PTPRO: variants seen among roughly 807,000 people sequenced by gnomAD.
PTPRO encodes receptor-type tyrosine-protein phosphatase O.
PTPRO carries 62 observed loss-of-function variants against 145.2 expected under a neutral mutation model. That is an observed-to-expected ratio of 0.43 (90% confidence interval 0.35 to 0.53). The LOEUF (loss-of-function observed/expected upper bound fraction) is 0.53, where lower values mean the gene tolerates loss of function less well. PTPRO is among the 20% of genes least tolerant of loss of function. The pLI, the probability that PTPRO is intolerant of heterozygous loss-of-function variation, is 0.01. For synonymous variants in PTPRO, 565 were observed against 514.7 expected (o/e 1.10, Z -1.32); for missense variants, 1,345 against 1,482.7 (o/e 0.91, Z 1.53).
At chr12:15,394,242 T>C (rs1939274037) in intron 1 of PTPRO, among the ~76,000 whole-genome samples, 1 of 152,104 alleles carries the variant, frequency 6.6e-6, no homozygotes, top group Admixed American at 6.6e-5. Context: ...ATTAAAATGA[T>C]GAAAGTCCCA....
intron 19 of PTPRO, 89 bp downstream of exon 19, chr12:15,569,587 G>A: frequency 8.6e-7 from 1 of 1,161,890 alleles, no homozygotes; most frequent in Middle Eastern, 1.9e-4. Context: ...CCTGCTCACT[G>A]GCAGTGCGTA....
intron 7 of PTPRO, among the ~76,000 whole-genome samples, chr12:15,511,472 A>T (rs2136489495): frequency 6.6e-6 from 1 of 152,364 alleles, no homozygotes. Flanking sequence ...TTTTTTAAGT[A>T]ATATGATGTA....
chr12:15,557,443 C>G lies in PTPRO; in HGVS notation c.2559-12C>G, dbSNP rs1943663739. On this transcript the variant is annotated splice_polypyrimidine_tract_variant and intron_variant, in intron 15 of 26. Transcript: ENST00000281171. ...AAGCAGTAACCTTGATTTTGTGGTT[C>G]CTTTAAAACAGGGAGTGTGGAGCTG... 1.2e-6 allele frequency: 2 copies of G among 1,612,272 alleles called. No individual in the cohort carries two copies. Among genetic ancestry groups the G allele is most frequent in the Middle Eastern group, 1.7e-4 (1 of 6,060 alleles).
chr12:15,402,499 A>G lies in PTPRO; in HGVS notation c.75+79698A>G, dbSNP rs533760570. ...CCTCAACTACAAAATTCTGATGATT[A>G]TAAGACCTTCTGAAGGAACAATCCA... On this transcript the variant is annotated intron_variant, in intron 1 of 26. Transcript: ENST00000281171. 2.0e-5 allele frequency among the ~76,000 whole-genome samples: 3 copies of G among 152,288 alleles called. No individual in the cohort carries two copies. The South Asian group carries it at 6.2e-4, about 32-fold the overall frequency.
intron 12 of PTPRO, among the ~76,000 whole-genome samples, chr12:15,534,548 A>C (rs1943028702): frequency 6.6e-6 from 1 of 152,152 alleles, no homozygotes; most frequent in Admixed American, 6.5e-5. Flanking sequence ...AGTGCTCTAC[A>C]ACAGGGAAAT....
At chr12:15,332,293 T>C (rs1276716508) in intron 1 of PTPRO, among the ~76,000 whole-genome samples, 1 of 152,212 alleles carries the variant, frequency 6.6e-6, no homozygotes, top group Admixed American at 6.5e-5. Context: ...ATTATAAATG[T>C]AACCTTAAGG....
chr12:15,368,522 C>T (rs935273487), intron 1 of PTPRO, among the ~76,000 whole-genome samples: 1 of 152,004 alleles, frequency 6.6e-6, no homozygotes, highest in South Asian at 2.1e-4. Context: ...TTTCCTGTTC[C>T]CAGAATGGCT....
intron 1 of PTPRO, among the ~76,000 whole-genome samples, chr12:15,476,824 T>A (rs1169442572): frequency 7.1e-6 from 1 of 141,566 alleles, no homozygotes; most frequent in East Asian, 2.1e-4. Context: ...CCAGTTAGAA[T>A]GGCAATCATT....
At chr12:15,587,121 C>A in intron 24 of PTPRO, 70 bp downstream of exon 24, 1 of 1,535,548 alleles carries the variant, frequency 6.5e-7, no homozygotes, top group South Asian at 1.1e-5. Flanking sequence ...GCTCACCATT[C>A]CATAAGCCCT....
intron 1 of PTPRO, among the ~76,000 whole-genome samples, chr12:15,482,358 G>A (rs1431461317): frequency 1.3e-5 from 2 of 152,032 alleles, no homozygotes; most frequent in Admixed American, 1.3e-4. Flanking sequence ...AGCAGATGTC[G>A]TTACTAGAGC....
chr12:15,409,656 C>A (rs527270473), intron 1 of PTPRO, among the ~76,000 whole-genome samples: 1 of 152,200 alleles, frequency 6.6e-6, no homozygotes, highest in Admixed American at 6.5e-5. Context: ...CTGGGGAGGC[C>A]TTGGGAAGCT....
intron 19 of PTPRO, among the ~76,000 whole-genome samples, chr12:15,571,307 T>A (rs1190504648): frequency 6.9e-6 from 1 of 145,350 alleles, no homozygotes; most frequent in East Asian, 2.1e-4. Flanking sequence ...TTTTGTTTTT[T>A]GAGACAGTCT....
chr12:15,357,583 A>G (rs1229276287), intron 1 of PTPRO, among the ~76,000 whole-genome samples: 1 of 151,958 alleles, frequency 6.6e-6, no homozygotes, highest in Non-Finnish European at 1.5e-5. Context: ...AAGGACATGA[A>G]CAGACACTTC....
chr12:15,560,735 G>A (rs1943752032), intron 17 of PTPRO, among the ~76,000 whole-genome samples: 1 of 151,978 alleles, frequency 6.6e-6, no homozygotes, highest in Admixed American at 6.6e-5. Context: ...CTGACTATAC[G>A]CAAGCCTCTT....
intron 1 of PTPRO, among the ~76,000 whole-genome samples, chr12:15,370,691 T>A (rs897388886): frequency 6.6e-6 from 1 of 151,976 alleles, no homozygotes; most frequent in African/African-American, 2.4e-5. Flanking sequence ...AATATTTCAA[T>A]AAAAAAACAC....
intron 1 of PTPRO, among the ~76,000 whole-genome samples, chr12:15,447,887 G>A (rs1364710850): frequency 1.3e-5 from 2 of 152,076 alleles, no homozygotes; most frequent in African/African-American, 4.8e-5. Context: ...CCCTGTATGA[G>A]GGAAATTGTG....
intron 1 of PTPRO, among the ~76,000 whole-genome samples, chr12:15,460,509 CT>C (rs1941277680): frequency 6.6e-6 from 1 of 152,108 alleles, no homozygotes; most frequent in Non-Finnish European, 1.5e-5. Flanking sequence ...TGAAGAGAGT[CT>C]TCATTGCCTG....
At chr12:15,516,678 C>A (rs566310978) in intron 8 of PTPRO, 85 bp from the exon 9 acceptor site, 2 of 1,207,372 alleles carry the variant, frequency 1.7e-6, no homozygotes, top group African/African-American at 1.5e-5. Flanking sequence ...AGTGAAAACT[C>A]GGGTCATTAA....
chr12:15,495,201 T>C (rs1455442300), intron 2 of PTPRO, among the ~76,000 whole-genome samples: 1 of 151,802 alleles, frequency 6.6e-6, no homozygotes, highest in African/African-American at 2.4e-5. Flanking sequence ...GACATGATCA[T>C]AAAATATACT....
Sources: allele counts gnomAD v4.1 joint callset (sites outside exome capture counted in the v4.1 genomes callset), GRCh38; gene constraint gnomAD v4.1.1; transcripts MANE v1.5; gene names NCBI Gene and HGNC (gene_info 2026-07-23, HGNC 2026-07-21).